WNT9B: variants seen among roughly 807,000 people sequenced by gnomAD.
The protein encoded by WNT9B is protein Wnt-9b.
A neutral mutation model predicts 30.2 loss-of-function variants in WNT9B; 12 were observed. That is an observed-to-expected ratio of 0.40 (90% CI 0.26 to 0.64). The LOEUF (loss-of-function observed/expected upper bound fraction) is 0.64, where lower values mean the gene tolerates loss of function less well. Ranked by LOEUF, WNT9B falls within the 30% of genes least tolerant of loss-of-function variation. WNT9B has a pLI of 0.42. For missense variants in WNT9B, 442 were observed against 485.2 expected (o/e 0.91, Z 0.84); for synonymous variants, 218 against 216.9 (o/e 1.01, Z -0.05).
At chr17:46,844,905 T>C (rs1243293491) in intron 1 of WNT9B, among the ~76,000 whole-genome samples, 3 of 152,000 alleles carry the variant, frequency 2.0e-5, no homozygotes, top group Non-Finnish European at 2.9e-5. Context: ...TGGAGTGCAA[T>C]GGTGGGATCT....
In WNT9B at chr17:46,880,017, T is replaced by C. The variant is rs189180931; in HGVS notation, c.*3299T>C. Among the ~76,000 whole-genome samples the C allele has an allele frequency of 2.0e-5, 3 of 152,346 alleles. No individual in the cohort carries two copies. In the East Asian group the frequency reaches 5.8e-4, roughly 29 times the overall value. On this transcript the variant is annotated 3_prime_UTR_variant, in exon 4 of 4. Transcript: ENST00000290015. ...TGATTGCTCTCATTTGTGTTTTGCTTGTAAAAATGAATTGTTTTCCACTGG... is the reference window on the plus strand; with the variant it reads ...TGATTGCTCTCATTTGTGTTTTGCTCGTAAAAATGAATTGTTTTCCACTGG...
At chr17:46,835,019 G>A (rs927456145) in intron 1 of WNT9B, among the ~76,000 whole-genome samples, 1 of 152,114 alleles carries the variant, frequency 6.6e-6, no homozygotes, top group Admixed American at 6.6e-5. Context: ...TCTGGAGACA[G>A]GATCTCGCTC....
In WNT9B at chr17:46,875,215, G is replaced by A. The variant is rs764485687; in HGVS notation, c.449G>A (p.Gly150Glu). The A allele has an allele frequency of 1.9e-6, 3 of 1,614,068 alleles. No individual in the cohort carries two copies. Among genetic ancestry groups the A allele is most frequent in the Non-Finnish European group, 1.7e-6 (2 of 1,180,052 alleles). The change falls in exon 3 of 4, where the codon GGG (glycine) becomes GAG (glutamate). Residue 150 changes from glycine (G) to glutamate (E), a missense_variant. Coordinates refer to ENST00000290015, the MANE Select transcript of WNT9B (RefSeq NM_003396.3). ...MERCTCDDSP[G>E]LESRQAWQWG... Reference sequence around the variant, plus strand: ...CGCTGCACCTGTGATGACTCTCCGGGGCTGGAGAGCCGGCAGGCCTGGCAG... The same window carrying A: ...CGCTGCACCTGTGATGACTCTCCGGAGCTGGAGAGCCGGCAGGCCTGGCAG...
chr17:46,847,771 C>T (rs138751728), upstream of WNT9B, among the ~76,000 whole-genome samples: 9 of 152,256 alleles, frequency 5.9e-5, no homozygotes, highest in South Asian at 4.1e-4. Flanking sequence ...CCTGGGAAGC[C>T]GCATTTCCAC....
downstream of WNT9B, chr17:46,885,433 G>T (rs2085477936): frequency 6.2e-6 from 1 of 161,214 alleles, no homozygotes; most frequent in South Asian, 1.6e-4. Context: ...CTCCCAAGTA[G>T]CTGGGACTAC....
chr17:46,874,910 A>T, intron 2 of WNT9B, 191 bp from the exon 3 acceptor site: 1 of 845,628 alleles, frequency 1.2e-6, no homozygotes, highest in Non-Finnish European at 2.0e-6. Context: ...ACTTGCAGTC[A>T]GAATTTAAGG....
downstream of WNT9B, among the ~76,000 whole-genome samples, chr17:46,882,754 C>T (rs2085439710): frequency 6.6e-6 from 1 of 152,168 alleles, no homozygotes; most frequent in African/African-American, 2.4e-5. Flanking sequence ...GCCTATGGTG[C>T]ACGAGGCACG....
At chr17:46,865,101 C>G (rs2085109771) in intron 1 of WNT9B, among the ~76,000 whole-genome samples, 2 of 152,178 alleles carry the variant, frequency 1.3e-5, no homozygotes, top group Non-Finnish European at 2.9e-5. Context: ...TGCATACGTG[C>G]CAGGGACAAA....
At chr17:46,850,409 A>C (rs2084827046), upstream of WNT9B, among the ~76,000 whole-genome samples, 1 of 152,116 alleles carries the variant, frequency 6.6e-6, no homozygotes, top group Non-Finnish European at 1.5e-5. Context: ...TTCCTCTGTT[A>C]ATGCCACCTA....
upstream of WNT9B, among the ~76,000 whole-genome samples, chr17:46,849,890 C>T (rs948562227): frequency 6.7e-6 from 1 of 149,370 alleles, no homozygotes; most frequent in Non-Finnish European, 1.5e-5. Flanking sequence ...TTCTATTGCC[C>T]AGGCCAGAGT....
At position 46,876,254 on chromosome 17, in the gene WNT9B, A is replaced by T. The variant is rs2085343831; in HGVS notation, c.610A>T (p.Ser204Cys). ...NTHVGIKAVK[S>C]GLRTTCKCHG... ...TCTGCCTCCCCCACAGGCTGTGAAGAGTGGCCTCAGGACCACGTGTAAGTG... is the reference window on the plus strand; with the variant it reads ...TCTGCCTCCCCCACAGGCTGTGAAGTGTGGCCTCAGGACCACGTGTAAGTG... Residue 204 changes from serine to cysteine, a missense_variant, in exon 4 of 4, where the codon AGT (serine) becomes TGT (cysteine). Ser to Cys is a moderately radical substitution (Grantham distance 112, BLOSUM62 -1). Coordinates refer to ENST00000290015, the MANE Select transcript of WNT9B (RefSeq NM_003396.3). 1 of 1,607,712 alleles carries T rather than the reference A, an allele frequency of 6.2e-7. No homozygotes were observed. The highest frequency in any genetic ancestry group is 1.3e-5 in the African/African-American group (1 of 74,956).
At chr17:46,865,505 C>T (rs901113242) in intron 1 of WNT9B, among the ~76,000 whole-genome samples, 2 of 151,944 alleles carry the variant, frequency 1.3e-5, no homozygotes, top group African/African-American at 2.4e-5. Context: ...AGGGTGAGAG[C>T]TGGGTAGGGA....
At chr17:46,845,894 G>A (rs544398302) in intron 1 of WNT9B, among the ~76,000 whole-genome samples, 9 of 148,838 alleles carry the variant, frequency 6.0e-5, no homozygotes, top group East Asian at 2.0e-4. Flanking sequence ...GAGTTCAAGC[G>A]ATTCTCCTGC....
chr17:46,845,087 G>T (rs1029497506), intron 1 of WNT9B, among the ~76,000 whole-genome samples: 4 of 152,196 alleles, frequency 2.6e-5, no homozygotes, highest in Non-Finnish European at 5.9e-5. Flanking sequence ...GACCTCAGGT[G>T]ATCCACTCGC....
chr17:46,851,435 AC>A (rs952083211), upstream of WNT9B, among the ~76,000 whole-genome samples: 2 of 140,652 alleles, frequency 1.4e-5, no homozygotes, highest in African/African-American at 5.2e-5. This position sits in a 1 kb window ranked among gnomAD's most constrained non-coding sequence, Gnocchi z 4.3. Context: ...CGGCTGCCCC[AC>A]CCGCGACGGG....
rs1002135560 is a variant in WNT9B at position 46,876,880 on chromosome 17, C to G, written c.*162C>G. 2 of 1,392,048 alleles carry G rather than the reference C, an allele frequency of 1.4e-6. No individual in the cohort carries two copies. Among genetic ancestry groups the G allele is most frequent in the East Asian group, 2.6e-5 (1 of 38,092 alleles). 86.2% of individuals were successfully genotyped at this position (1,392,048 alleles called of 1,614,324 possible). A position where few individuals can be genotyped will look rare whatever the true frequency, so the allele number is the denominator to read the frequency against. On this transcript the variant is annotated 3_prime_UTR_variant, in exon 4 of 4. Transcript: ENST00000290015. ...CCACTCACCACCATTCCTTGGCCAG[C>G]CTTTTGCCTCCCTCGATACTCAACA...
intron 1 of WNT9B, among the ~76,000 whole-genome samples, chr17:46,863,822 T>C (rs2085084508): frequency 6.6e-6 from 1 of 152,114 alleles, no homozygotes; most frequent in Non-Finnish European, 1.5e-5. Flanking sequence ...ACAGTCCTAG[T>C]GGTTCTATTC....
At chr17:46,857,765 G>GT (rs2146558656) in intron 1 of WNT9B, among the ~76,000 whole-genome samples, 1 of 152,240 alleles carries the variant, frequency 6.6e-6, no homozygotes, top group African/African-American at 2.4e-5. Context: ...GGCTATTTTC[G>GT]TAAGTATGTA....
rs184615223 is a variant in WNT9B, at chr17:46,836,321, A to G, written c.95+2881A>G. 2.0e-4 allele frequency among the ~76,000 whole-genome samples: 31 copies of G among 152,098 alleles called. No individual in the cohort carries two copies. The East Asian group carries it at 5.8e-3, about 28-fold the overall frequency. On this transcript the variant is annotated intron_variant, in intron 1 of 2. Transcript: ENST00000575372. ...CAGGGACATAATTGCATTCCTTGGA[A>G]CTGCTGTTTTTTGAACTTCATTCAT...
Sources: allele counts gnomAD v4.1 joint callset (sites outside exome capture counted in the v4.1 genomes callset), GRCh38; gene constraint gnomAD v4.1.1; non-coding constraint Gnocchi (gnomAD v3.1); transcripts MANE v1.5; gene names NCBI Gene and HGNC (gene_info 2026-07-23, HGNC 2026-07-21).